C10orf90: variants seen among roughly 807,000 people sequenced by gnomAD.
C10orf90 encodes the protein chromosome 10 open reading frame 90.
A neutral mutation model predicts 62.5 loss-of-function variants in C10orf90; 56 were observed. That is an observed-to-expected ratio of 0.90 (90% CI 0.72 to 1.12). C10orf90 has a LOEUF of 1.12. Ranked by LOEUF, C10orf90 falls within the 50% of genes most tolerant of loss-of-function variation. The pLI, the probability that C10orf90 is intolerant of heterozygous loss-of-function variation, is 0.00. For missense variants in C10orf90, 970 were observed against 880.4 expected (o/e 1.10, Z -1.29); for synonymous variants, 386 against 340.4 (o/e 1.13, Z -1.47).
chr10:126,473,456 C>T (rs1463265552), intron 4 of C10orf90, among the ~76,000 whole-genome samples: 2 of 152,102 alleles, frequency 1.3e-5, no homozygotes, highest in Non-Finnish European at 2.9e-5. Context: ...AGAAAAAGTC[C>T]TTTGTGAGAA....
chr10:126,608,435 C>T (rs1215981952), intron 2 of C10orf90, among the ~76,000 whole-genome samples: 2 of 152,106 alleles, frequency 1.3e-5, no homozygotes, highest in African/African-American at 4.8e-5. Flanking sequence ...TATCACTGAA[C>T]TGTTCACTTA....
intron 2 of C10orf90, among the ~76,000 whole-genome samples, chr10:126,621,228 A>T (rs905976455): frequency 6.6e-6 from 1 of 152,210 alleles, no homozygotes. Flanking sequence ...TTCAACATAT[A>T]AACTTAGATT....
intron 6 of C10orf90, among the ~76,000 whole-genome samples, chr10:126,460,601 G>C (rs1467483654): frequency 6.6e-6 from 1 of 152,212 alleles, no homozygotes; most frequent in Non-Finnish European, 1.5e-5. Flanking sequence ...TGCCTAAAGA[G>C]ATAACCCCTA....
intron 2 of C10orf90, among the ~76,000 whole-genome samples, chr10:126,604,590 C>G (rs1448540844): frequency 6.6e-6 from 1 of 152,182 alleles, no homozygotes; most frequent in East Asian, 1.9e-4. Flanking sequence ...TCTCGCCAGA[C>G]CCCCAGCAAA....
intron 2 of C10orf90, among the ~76,000 whole-genome samples, chr10:126,524,097 A>G (rs1863860581): frequency 6.6e-6 from 1 of 152,014 alleles, no homozygotes; most frequent in South Asian, 2.1e-4. Flanking sequence ...CTTTCATGCT[A>G]TGGTTCTTGA....
chr10:126,657,631 T>TC (rs1304260291), intron 1 of C10orf90, among the ~76,000 whole-genome samples: 1 of 151,832 alleles, frequency 6.6e-6, no homozygotes, highest in African/African-American at 2.4e-5. Flanking sequence ...TTTTTTTTTT[T>TC]TGAGACAGAG....
intron 4 of C10orf90, among the ~76,000 whole-genome samples, chr10:126,471,732 A>C (rs1860596699): frequency 6.6e-6 from 1 of 152,222 alleles, no homozygotes; most frequent in African/African-American, 2.4e-5. Context: ...AGTTGCTGCA[A>C]AGTAGGAATA....
chr10:126,485,546 C>T (rs927571731), intron 4 of C10orf90, among the ~76,000 whole-genome samples: 10 of 152,100 alleles, frequency 6.6e-5, no homozygotes, highest in African/African-American at 1.9e-4. Flanking sequence ...GGATGGCCAA[C>T]TTAACATTCT....
intron 2 of C10orf90, chr10:126,521,475 G>A (rs1863741049): frequency 2.7e-6 from 4 of 1,467,944 alleles, no homozygotes; most frequent in Non-Finnish European, 3.6e-6. Flanking sequence ...CTCGGCCAAA[G>A]AACCTCAAAG....
At chr10:126,449,499 C>T (rs557997293) in intron 7 of C10orf90, among the ~76,000 whole-genome samples, 2 of 152,124 alleles carry the variant, frequency 1.3e-5, no homozygotes, top group Non-Finnish European at 2.9e-5. Context: ...CCTATTATTG[C>T]TGCTTCTATC....
At chr10:126,481,053 G>A (rs1861138952) in intron 4 of C10orf90, among the ~76,000 whole-genome samples, 1 of 152,184 alleles carries the variant, frequency 6.6e-6, no homozygotes, top group Admixed American at 6.5e-5. Context: ...CCTTGAATGT[G>A]CCAGCTTCAT....
intron 2 of C10orf90, among the ~76,000 whole-genome samples, chr10:126,595,188 C>T (rs1003028712): frequency 1.3e-5 from 2 of 152,126 alleles, no homozygotes; most frequent in Non-Finnish European, 2.9e-5. Flanking sequence ...CAGTTATTAG[C>T]TAGTTTGCAA....
intron 4 of C10orf90, among the ~76,000 whole-genome samples, chr10:126,481,281 T>C (rs1480268894): frequency 1.3e-5 from 2 of 152,208 alleles, no homozygotes; most frequent in Admixed American, 6.5e-5. Context: ...AATATCTCAC[T>C]TGGAAGTGTC....
chr10:126,465,956 G>T (rs554040945), intron 4 of C10orf90, among the ~76,000 whole-genome samples: 5 of 152,328 alleles, frequency 3.3e-5, no homozygotes, highest in African/African-American at 7.2e-5. Context: ...GGAGACTGTT[G>T]TCTCAGGAGA....
chr10:126,659,547 G>A (rs1297357871), intron 1 of C10orf90, among the ~76,000 whole-genome samples: 1 of 152,120 alleles, frequency 6.6e-6, no homozygotes, highest in Non-Finnish European at 1.5e-5. Flanking sequence ...TCCTAAATTT[G>A]GGATATTTTC....
At chr10:126,600,693 A>G (rs1240745051) in intron 2 of C10orf90, among the ~76,000 whole-genome samples, 2 of 152,110 alleles carry the variant, frequency 1.3e-5, no homozygotes, top group African/African-American at 4.8e-5. Flanking sequence ...TCCCAGCTAC[A>G]CATAAAAGAC....
intron 1 of C10orf90, among the ~76,000 whole-genome samples, chr10:126,668,513 G>C (rs1291944844): frequency 6.6e-6 from 1 of 152,202 alleles, no homozygotes; most frequent in Non-Finnish European, 1.5e-5. Flanking sequence ...AGATGTCATG[G>C]TAGGAATAAC....
chr10:126,461,652 C>T (rs1300996281), intron 5 of C10orf90, 67 bp from the exon 6 acceptor site: 9 of 1,398,144 alleles, frequency 6.4e-6, no homozygotes, highest in East Asian at 4.9e-5. Flanking sequence ...TCCTCAATAC[C>T]ATTAGACACA....
intron 2 of C10orf90, among the ~76,000 whole-genome samples, chr10:126,643,801 G>A (rs1846111958): frequency 6.6e-6 from 1 of 152,218 alleles, no homozygotes; most frequent in Non-Finnish European, 1.5e-5. Flanking sequence ...CCACTGAGAG[G>A]GCTAAGAAAG....
Sources: allele counts gnomAD v4.1 joint callset (sites outside exome capture counted in the v4.1 genomes callset), GRCh38; gene constraint gnomAD v4.1.1; transcripts MANE v1.5; gene names NCBI Gene and HGNC (gene_info 2026-07-23, HGNC 2026-07-21).